Variants in DYM observed in about 807,000 individuals in gnomAD.
DYM encodes the protein dymeclin.
In DYM, 78 loss-of-function variants were observed where a neutral mutation model predicts 93.1. That is an observed-to-expected ratio of 0.84 (90% CI 0.70 to 1.01). The LOEUF (loss-of-function observed/expected upper bound fraction) is 1.01, where lower values mean the gene tolerates loss of function less well. Ranked by LOEUF, DYM falls within the 50% of genes least tolerant of loss-of-function variation. The pLI is 0.00. For missense variants in DYM, 789 were observed against 845.0 expected (o/e 0.93, Z 0.82); for synonymous variants, 321 against 319.7 (o/e 1.00, Z -0.04).
intron 8 of DYM, among the ~76,000 whole-genome samples, chr18:49,292,355 GACAC>G (rs57025579): frequency 0.029 from 2,416 of 84,608 alleles, 62 homozygotes; most frequent in African/African-American, 0.067. Context: ...CAGACAGACA[GACAC>G]ACACACACAC....
intron 8 of DYM, among the ~76,000 whole-genome samples, chr18:49,296,855 G>T (rs769207766): frequency 6.6e-6 from 1 of 152,032 alleles, no homozygotes; most frequent in Non-Finnish European, 1.5e-5. Flanking sequence ...TATCTCCTAT[G>T]ATCATCTGCA....
intron 15 of DYM, among the ~76,000 whole-genome samples, chr18:49,156,435 AC>A (rs909360447): frequency 6.6e-5 from 10 of 152,008 alleles, no homozygotes; most frequent in South Asian, 6.2e-4. Flanking sequence ...CTCAAAAAAA[AC>A]AACAACAAAA....
rs1048015889 is a variant in DYM, at chr18:49,077,653, T to C, written c.2025+19749A>G. On this transcript the variant is annotated intron_variant, in intron 17 of 17. Transcript: ENST00000675505. ...GTTTCATGATATTGAAGCTTTGCTA[T>C]TGGCACATGCACATTTGTGCCTGTT... Among the ~76,000 whole-genome samples the C allele has an allele frequency of 2.6e-5, 4 of 152,254 alleles. No individual in the cohort carries two copies. The South Asian group carries it at 6.2e-4, about 24-fold the overall frequency.
At chr18:49,427,983 C>A (rs2074447051) in intron 2 of DYM, among the ~76,000 whole-genome samples, 1 of 151,788 alleles carries the variant, frequency 6.6e-6, no homozygotes, top group Non-Finnish European at 1.5e-5. Flanking sequence ...CCCAGCTACT[C>A]AGGAAGGTGA....
chr18:49,069,716 T>C (rs982947497), intron 17 of DYM, among the ~76,000 whole-genome samples: 3 of 152,218 alleles, frequency 2.0e-5, no homozygotes, highest in Middle Eastern at 3.2e-3. Context: ...TAGTCTATTA[T>C]GGACTTGGGA....
At chr18:49,108,841 G>T (rs1242416885) in intron 16 of DYM, among the ~76,000 whole-genome samples, 5 of 152,158 alleles carry the variant, frequency 3.3e-5, no homozygotes, top group Non-Finnish European at 7.4e-5. Flanking sequence ...GGGTTTGTTT[G>T]TGTCTTCTTG....
At chr18:49,315,198 G>A (rs1401057979) in intron 8 of DYM, among the ~76,000 whole-genome samples, 1 of 146,628 alleles carries the variant, frequency 6.8e-6, no homozygotes, top group Non-Finnish European at 1.5e-5. Context: ...CTGGGTGACA[G>A]AGCAAGACCC....
intron 11 of DYM, among the ~76,000 whole-genome samples, chr18:49,262,928 AC>A (rs2094512379): frequency 6.6e-6 from 1 of 152,182 alleles, no homozygotes; most frequent in South Asian, 2.1e-4. Context: ...AATTCAGATC[AC>A]TATCCTAAAT....
At chr18:49,444,657 C>T (rs78016379) in intron 1 of DYM, among the ~76,000 whole-genome samples, 3 of 152,184 alleles carry the variant, frequency 2.0e-5, no homozygotes, top group East Asian at 3.9e-4. Flanking sequence ...CAAGTAGAAA[C>T]GAACATTCCA....
At position 49,154,324 on chromosome 18, in the gene DYM, T is replaced by C. The variant is rs1600188081; in HGVS notation, c.1728+9361A>G. Among the ~76,000 whole-genome samples the C allele has an allele frequency of 5.3e-5, 8 of 152,332 alleles. 1 individual carries two copies. The highest frequency in any genetic ancestry group is 4.6e-4 in the Admixed American group (7 of 15,296). On this transcript the variant is annotated intron_variant, in intron 15 of 17. Transcript: ENST00000675505. ...TAATGTACCAGTATTAATTCCTTTA[T>C]TTTGATAAATGTTACATGATCATGT...
At chr18:49,453,988 G>A (rs968921014) in intron 1 of DYM, among the ~76,000 whole-genome samples, 4 of 152,160 alleles carry the variant, frequency 2.6e-5, no homozygotes, top group African/African-American at 7.2e-5. Flanking sequence ...ACAACATCTG[G>A]TGGAGGCAAA....
chr18:49,354,496 G>A (rs2065374554), intron 6 of DYM, among the ~76,000 whole-genome samples: 1 of 152,056 alleles, frequency 6.6e-6, no homozygotes, highest in Non-Finnish European at 1.5e-5. Flanking sequence ...AAGAGAATGA[G>A]AATAAATGCC....
chr18:49,202,389 G>C (rs2092076746), intron 14 of DYM, among the ~76,000 whole-genome samples: 1 of 151,184 alleles, frequency 6.6e-6, no homozygotes, highest in Non-Finnish European at 1.5e-5. Flanking sequence ...AAAGTGCCGA[G>C]ATTGCAGCCT....
In DYM at chr18:49,455,804, C is replaced by T. The variant is rs530356541; in HGVS notation, c.-54+4594G>A. Among the ~76,000 whole-genome samples the T allele has an allele frequency of 8.0e-4, 122 of 152,076 alleles. 1 individual carries two copies. The highest frequency in any genetic ancestry group is 1.5e-3 in the Non-Finnish European group (100 of 68,010). ...CTACTAAAAACAGTACAAAAATTAG[C>T]CGGGCATGGTGGCGCATGCCTGTAA... On this transcript the variant is annotated intron_variant, in intron 1 of 17. Coordinates refer to ENST00000675505, the MANE Select transcript of DYM (RefSeq NM_001353214.3).
At chr18:49,226,230 T>C (rs2093524347) in intron 13 of DYM, among the ~76,000 whole-genome samples, 1 of 152,182 alleles carries the variant, frequency 6.6e-6, no homozygotes, top group South Asian at 2.1e-4. Flanking sequence ...TCATTAAGTA[T>C]ACCACTGTCC....
chr18:49,355,561 C>G (rs2065481904), intron 6 of DYM, among the ~76,000 whole-genome samples: 1 of 152,098 alleles, frequency 6.6e-6, no homozygotes, highest in East Asian at 1.9e-4. Flanking sequence ...ACAGGGAACA[C>G]TGAAGTAAAC....
chr18:49,256,258 A>G (rs2094392526), intron 13 of DYM, among the ~76,000 whole-genome samples: 1 of 152,148 alleles, frequency 6.6e-6, no homozygotes, highest in Non-Finnish European at 1.5e-5. Context: ...TGACTTTGAG[A>G]TGGAAGATAA....
chr18:49,272,973 A>T (rs2094748700), intron 10 of DYM, among the ~76,000 whole-genome samples: 1 of 152,080 alleles, frequency 6.6e-6, no homozygotes, highest in Admixed American at 6.6e-5. Flanking sequence ...GTCTTGTTGG[A>T]AACAACCATG....
At chr18:49,220,202 A>C (rs1454232054) in intron 13 of DYM, among the ~76,000 whole-genome samples, 2 of 151,924 alleles carry the variant, frequency 1.3e-5, no homozygotes, top group South Asian at 4.2e-4. Context: ...TACAAGGGAC[A>C]TGAAGGACCT....
Sources: allele counts gnomAD v4.1 joint callset (sites outside exome capture counted in the v4.1 genomes callset), GRCh38; gene constraint gnomAD v4.1.1; transcripts MANE v1.5; gene names NCBI Gene and HGNC (gene_info 2026-07-23, HGNC 2026-07-21).